The following QKI variants were observed in gnomAD, a reference collection of about 807,000 sequenced individuals.
QKI encodes QKI, KH domain containing RNA binding, also known as KH domain-containing RNA-binding protein QKI.
In QKI, 10 loss-of-function variants were observed where a neutral mutation model predicts 39.0. That is an observed-to-expected ratio of 0.26 (90% CI 0.16 to 0.43). The LOEUF (loss-of-function observed/expected upper bound fraction) is 0.43. Among genes scored for constraint, QKI ranks in the 20% least tolerant of loss-of-function variants. The pLI is 1.00. For synonymous variants in QKI, 204 were observed against 155.4 expected, an observed-to-expected ratio of 1.31 and a Z score of -2.33; for missense variants, 218 against 428.0, an observed-to-expected ratio of 0.51 and a Z score of 4.33.
chr6:163,420,138 GCTTTT>G (rs1284127252), intron 1 of QKI, among the ~76,000 whole-genome samples: 58 of 145,940 alleles, frequency 4.0e-4, no homozygotes, highest in African/African-American at 7.9e-4. Context: ...ACATGTAAGG[GCTTTT>G]CTTTTCTTTT....
At chr6:163,564,544 C>T in intron 6 of QKI, 2 of 1,545,610 alleles carry the variant, frequency 1.3e-6, no homozygotes, top group Non-Finnish European at 1.7e-6. Flanking sequence ...AAATAAATAG[C>T]AAATCACTGA....
chr6:163,518,461 T>G (rs898088419), intron 3 of QKI, among the ~76,000 whole-genome samples: 1 of 152,130 alleles, frequency 6.6e-6, no homozygotes, highest in Admixed American at 6.5e-5. Flanking sequence ...TGTTCTTAGT[T>G]TTTTCCAGTA....
chr6:163,568,991 C>T (rs1265163635), intron 7 of QKI: 10 of 985,318 alleles, frequency 1.0e-5, no homozygotes, highest in Non-Finnish European at 1.2e-5. Flanking sequence ...GAAAAGAAGT[C>T]AGAGTTTTTT....
At chr6:163,504,801 G>T (rs1411047280) in intron 3 of QKI, among the ~76,000 whole-genome samples, 1 of 152,132 alleles carries the variant, frequency 6.6e-6, no homozygotes, top group East Asian at 1.9e-4. Flanking sequence ...AAGAGAGATA[G>T]TTTGACTTCT....
intron 4 of QKI, among the ~76,000 whole-genome samples, chr6:163,542,254 G>A (rs73246646): frequency 4.9e-4 from 74 of 151,952 alleles, no homozygotes; most frequent in African/African-American, 1.4e-3. Flanking sequence ...TCCTCCTTCC[G>A]TTAATCCTCA....
intron 6 of QKI, chr6:163,565,923 A>C: frequency 6.2e-7 from 1 of 1,613,230 alleles, no homozygotes. Flanking sequence ...ACTAATTTTT[A>C]ATTCCCTTCC....
intron 1 of QKI, among the ~76,000 whole-genome samples, chr6:163,447,343 C>T (rs1583004619): frequency 7.2e-6 from 1 of 139,618 alleles, no homozygotes; most frequent in South Asian, 2.3e-4. Context: ...TTTATTATTT[C>T]TGTATGTTGG....
intron 5 of QKI, among the ~76,000 whole-genome samples, chr6:163,562,857 G>T (rs1783119076): frequency 6.6e-6 from 1 of 152,170 alleles, no homozygotes; most frequent in African/African-American, 2.4e-5. Context: ...TCATGAAAAT[G>T]TGAGTATATC....
chr6:163,425,540 G>C (rs1042976215), intron 1 of QKI, among the ~76,000 whole-genome samples: 8 of 152,192 alleles, frequency 5.3e-5, no homozygotes, highest in African/African-American at 1.9e-4. Flanking sequence ...GAAGTGTGAA[G>C]AGTCAAACTA....
chr6:163,436,547 C>T (rs2128213019), intron 1 of QKI, among the ~76,000 whole-genome samples: 1 of 152,234 alleles, frequency 6.6e-6, no homozygotes, highest in Admixed American at 6.5e-5. Flanking sequence ...GGTGCGGTGG[C>T]TCACACCTGT....
chr6:163,457,387 C>T (rs1306103476), intron 2 of QKI: 1 of 455,918 alleles, frequency 2.2e-6, no homozygotes, highest in African/African-American at 2.0e-5. Flanking sequence ...CCAGTTGTGA[C>T]TTCTTGCCAC....
intron 6 of QKI, chr6:163,564,966 T>G: frequency 1.5e-6 from 2 of 1,294,438 alleles, no homozygotes; most frequent in Non-Finnish European, 2.0e-6. Flanking sequence ...ACACTAAGAT[T>G]TAAACTCGAA....
At chr6:163,449,522 T>C (rs533300926) in intron 1 of QKI, among the ~76,000 whole-genome samples, 170 of 152,292 alleles carry the variant, frequency 1.1e-3, no homozygotes, top group African/African-American at 4.0e-3. Context: ...ACCACAACAC[T>C]AAGTATAAGA....
At chr6:163,479,857 T>A (rs1278016071) in intron 3 of QKI, among the ~76,000 whole-genome samples, 2 of 152,216 alleles carry the variant, frequency 1.3e-5, no homozygotes, top group East Asian at 3.8e-4. Context: ...TAAATAAGAA[T>A]GGTCAAATAA....
intron 2 of QKI, among the ~76,000 whole-genome samples, chr6:163,455,912 T>C (rs1790875774): frequency 6.6e-6 from 1 of 152,176 alleles, no homozygotes; most frequent in Non-Finnish European, 1.5e-5. Context: ...GTGAATAGCC[T>C]CCTTGTCCTA....
chr6:163,455,626 A>T (rs1790859021), intron 2 of QKI, among the ~76,000 whole-genome samples: 1 of 152,194 alleles, frequency 6.6e-6, no homozygotes, highest in Non-Finnish European at 1.5e-5. Flanking sequence ...CACTTTGGAA[A>T]TGCACATGGT....
At chr6:163,523,852 C>T (rs922055688) in intron 3 of QKI, among the ~76,000 whole-genome samples, 40 of 152,078 alleles carry the variant, frequency 2.6e-4, no homozygotes, top group African/African-American at 9.7e-4. Context: ...GCAGTCTTTG[C>T]TTTCTAGAGC....
intron 4 of QKI, among the ~76,000 whole-genome samples, chr6:163,540,041 C>T (rs1461953067): frequency 1.3e-5 from 2 of 149,606 alleles, no homozygotes; most frequent in Non-Finnish European, 3.0e-5. Context: ...ATGTTCACAT[C>T]TTGAACTGTT....
At chr6:163,525,241 C>G (rs1407579256) in intron 3 of QKI, among the ~76,000 whole-genome samples, 2 of 148,670 alleles carry the variant, frequency 1.3e-5, no homozygotes, top group Non-Finnish European at 3.0e-5. Flanking sequence ...CAGGCTATAT[C>G]TGGATTTTTC....
Sources: gnomAD v4.1 joint callset for allele counts (sites outside exome capture counted in the v4.1 genomes callset) on GRCh38, gnomAD v4.1.1 for gene constraint, MANE v1.5 for transcripts, NCBI Gene and HGNC (gene_info 2026-07-23, HGNC 2026-07-21) for gene names.